The following RNF128 variants were observed in gnomAD, a reference collection of about 807,000 sequenced individuals.
The protein encoded by RNF128 is E3 ubiquitin-protein ligase RNF128.
In RNF128, 13 loss-of-function variants were observed where a neutral mutation model predicts 26.2. The observed-to-expected ratio is 0.50, with a 90% CI of 0.32 to 0.79. The LOEUF is 0.79. Ranked by LOEUF, RNF128 falls within the 30% of genes least tolerant of loss-of-function variation. The pLI is 0.03. For missense variants in RNF128, 315 were observed against 349.7 expected (o/e 0.90, Z 0.79); for synonymous variants, 149 against 142.5 (o/e 1.05, Z -0.32).
At chrX:106,791,360 T>A in intron 6 of RNF128, 126 bp downstream of exon 6, 1 of 581,039 alleles carries the variant, frequency 1.7e-6, no homozygotes, top group African/African-American at 2.3e-5. Flanking sequence ...TTTTTCTACT[T>A]AAAATAATGC....
intron 1 of RNF128, among the ~76,000 whole-genome samples, chrX:106,711,989 A>G (rs773772629): frequency 1.8e-4 from 20 of 112,595 alleles, no homozygotes; most frequent in African/African-American, 5.5e-4. Flanking sequence ...TAGTGGCTAC[A>G]TGCTCATGGG....
At chrX:106,749,434 G>GA (rs1929842920) in intron 1 of RNF128, among the ~76,000 whole-genome samples, 1 of 112,204 alleles carries the variant, frequency 8.9e-6, no homozygotes, top group Non-Finnish European at 1.9e-5. Context: ...TGTAGCAACA[G>GA]AAACACACAA....
At chrX:106,742,530 C>T (rs1001567348) in intron 1 of RNF128, among the ~76,000 whole-genome samples, 10 of 111,654 alleles carry the variant, frequency 9.0e-5, no homozygotes, top group Non-Finnish European at 1.1e-4. Context: ...TGCCTATTAA[C>T]GTTTGAGGAT....
At chrX:106,762,059 G>C (rs1930128954) in intron 1 of RNF128, among the ~76,000 whole-genome samples, 1 of 109,948 alleles carries the variant, frequency 9.1e-6, no homozygotes, top group Admixed American at 9.8e-5. Context: ...ATGATCAAAT[G>C]GGGGCAATTA....
chrX:106,751,423 T>C (rs1231482256), intron 1 of RNF128, among the ~76,000 whole-genome samples: 1 of 110,944 alleles, frequency 9.0e-6, no homozygotes, highest in Non-Finnish European at 1.9e-5. Flanking sequence ...TCCATCCCTC[T>C]GGCAAGCCTC....
At chrX:106,763,664 G>A (rs1470924139) in intron 1 of RNF128, among the ~76,000 whole-genome samples, 3 of 110,413 alleles carry the variant, frequency 2.7e-5, no homozygotes, top group East Asian at 2.9e-4. Flanking sequence ...CCGCCACCAC[G>A]CCCGGCTAAT....
intron 1 of RNF128, among the ~76,000 whole-genome samples, chrX:106,757,788 C>G (rs911393208): frequency 1.8e-5 from 2 of 111,435 alleles, no homozygotes; most frequent in Non-Finnish European, 3.8e-5. Flanking sequence ...AAGGAACATA[C>G]CTCATTGCAA....
At chrX:106,745,885 G>A (rs1355305513) in intron 1 of RNF128, among the ~76,000 whole-genome samples, 1 of 110,974 alleles carries the variant, frequency 9.0e-6, no homozygotes. Flanking sequence ...TTGGTCTGAT[G>A]AAGTTTGGTA....
At chrX:106,753,275 T>C (rs1015156369) in intron 1 of RNF128, among the ~76,000 whole-genome samples, 1 of 111,476 alleles carries the variant, frequency 9.0e-6, no homozygotes, top group Non-Finnish European at 1.9e-5. Flanking sequence ...TAATAAGATA[T>C]GAATAGAAAC....
chrX:106,704,202 A>G (rs189930830), intron 1 of RNF128, among the ~76,000 whole-genome samples: 4,997 of 109,840 alleles, frequency 0.045, 295 homozygotes, highest in African/African-American at 0.16. Context: ...TTGGGGGGCC[A>G]AGAAGGGCAG....
At chrX:106,786,963 G>A (rs1176568306) in intron 3 of RNF128, among the ~76,000 whole-genome samples, 1 of 111,411 alleles carries the variant, frequency 9.0e-6, no homozygotes, top group African/African-American at 3.3e-5. Context: ...AGAGCTGGGC[G>A]AGATTTGGAG....
At chrX:106,711,339 C>A (rs1296602125) in intron 1 of RNF128, among the ~76,000 whole-genome samples, 3 of 112,121 alleles carry the variant, frequency 2.7e-5, no homozygotes, top group African/African-American at 9.7e-5. Flanking sequence ...GAGCAATCAC[C>A]AGACAGTAAG....
At chrX:106,728,911 G>A (rs1357340229) in intron 1 of RNF128, among the ~76,000 whole-genome samples, 2 of 111,752 alleles carry the variant, frequency 1.8e-5, no homozygotes, top group Admixed American at 9.5e-5. Flanking sequence ...TCTCTTGGCC[G>A]ATAATTCATT....
intron 1 of RNF128, among the ~76,000 whole-genome samples, chrX:106,731,794 CAT>C (rs1929506567): frequency 9.0e-6 from 1 of 111,602 alleles, no homozygotes; most frequent in Non-Finnish European, 1.9e-5. Context: ...AACATTCTCA[CAT>C]ATGTCTCCTT....
chrX:106,739,287 G>A (rs1173051927), intron 1 of RNF128, among the ~76,000 whole-genome samples: 4 of 110,663 alleles, frequency 3.6e-5, no homozygotes, highest in Non-Finnish European at 3.8e-5. Context: ...AGCCTCCTGA[G>A]TAGCTGGGAT....
intron 2 of RNF128, among the ~76,000 whole-genome samples, chrX:106,782,976 A>T (rs762604790): frequency 8.9e-6 from 1 of 112,202 alleles, no homozygotes; most frequent in Admixed American, 9.4e-5. Context: ...AGAAGGGAAG[A>T]TATTTGTGCT....
intron 5 of RNF128, among the ~76,000 whole-genome samples, chrX:106,790,497 G>A (rs991421710): frequency 3.6e-5 from 4 of 110,124 alleles, no homozygotes; most frequent in African/African-American, 1.3e-4. Context: ...TCATTATTTG[G>A]TCAGAATTTG....
chrX:106,716,413 T>C (rs1929217069), intron 1 of RNF128, among the ~76,000 whole-genome samples: 1 of 110,947 alleles, frequency 9.0e-6, no homozygotes, highest in Non-Finnish European at 1.9e-5. Flanking sequence ...AACAACTGAG[T>C]AGTTACCAGG....
intron 1 of RNF128, among the ~76,000 whole-genome samples, chrX:106,728,262 G>A (rs1338465950): frequency 9.0e-6 from 1 of 111,553 alleles, no homozygotes; most frequent in Non-Finnish European, 1.9e-5. Flanking sequence ...GAAAAAGAAA[G>A]AGACACGTGT....
Sources: gnomAD v4.1 joint callset for allele counts (sites outside exome capture counted in the v4.1 genomes callset) on GRCh38, gnomAD v4.1.1 for gene constraint, MANE v1.5 for transcripts, NCBI Gene and HGNC (gene_info 2026-07-23, HGNC 2026-07-21) for gene names.